The following RBFOX1 variants were observed in gnomAD, a reference collection of about 807,000 sequenced individuals.
The protein encoded by RBFOX1 is RNA binding fox-1 homolog 1.
Under a neutral mutation model 57.7 loss-of-function variants are expected in RBFOX1, and 8 were observed. That is an observed-to-expected ratio of 0.14 (90% CI 0.08 to 0.25). The LOEUF is 0.25. RBFOX1 is among the 10% of genes least tolerant of loss of function. RBFOX1 has a pLI of 1.00. For synonymous variants in RBFOX1, 326 were observed against 222.4 expected, an observed-to-expected ratio of 1.47 and a Z score of -4.15; for missense variants, 611 against 548.5, an observed-to-expected ratio of 1.11 and a Z score of -1.14.
chr16:7,196,448 C>A (rs1377373164), intron 4 of RBFOX1, among the ~76,000 whole-genome samples: 1 of 152,196 alleles, frequency 6.6e-6, no homozygotes, highest in East Asian at 1.9e-4. Flanking sequence ...CCATTGCCAA[C>A]ACTGATAGTG....
At chr16:6,243,644 G>T (rs953927350) in intron 1 of RBFOX1, among the ~76,000 whole-genome samples, 1 of 152,156 alleles carries the variant, frequency 6.6e-6, no homozygotes, top group East Asian at 1.9e-4. Context: ...CCCGTAACCC[G>T]GGCCTGTCTC....
intron 1 of RBFOX1, among the ~76,000 whole-genome samples, chr16:6,148,696 AG>A (rs1391692545): frequency 1.3e-5 from 2 of 152,240 alleles, no homozygotes; most frequent in African/African-American, 4.8e-5. Context: ...AGACCCAGCT[AG>A]AAAAAGCTGG....
At chr16:7,443,458 C>G (rs1035743141) in intron 4 of RBFOX1, among the ~76,000 whole-genome samples, 2 of 151,126 alleles carry the variant, frequency 1.3e-5, no homozygotes, top group Non-Finnish European at 2.9e-5. Context: ...CTCCCCCTCT[C>G]TTATAAGATT....
chr16:6,536,158 C>A (rs1567595126), intron 2 of RBFOX1, among the ~76,000 whole-genome samples: 3 of 152,168 alleles, frequency 2.0e-5, no homozygotes, highest in Non-Finnish European at 4.4e-5. Context: ...AGACCACAAT[C>A]ATCACAAGAC....
intron 4 of RBFOX1, among the ~76,000 whole-genome samples, chr16:7,368,282 G>A (rs889700378): frequency 1.3e-5 from 2 of 150,556 alleles, no homozygotes; most frequent in East Asian, 3.9e-4. Context: ...AAAAAAAAGA[G>A]AGAGAAGAAA....
intron 1 of RBFOX1, among the ~76,000 whole-genome samples, chr16:5,413,052 C>T (rs2067065083): frequency 6.6e-6 from 1 of 152,098 alleles, no homozygotes; most frequent in African/African-American, 2.4e-5. Context: ...AGTGAGGTTG[C>T]CCTAGGGGGT....
intron 4 of RBFOX1, among the ~76,000 whole-genome samples, chr16:7,190,342 G>C (rs1022973182): frequency 2.1e-4 from 32 of 152,138 alleles, no homozygotes; most frequent in African/African-American, 7.5e-4. Flanking sequence ...CTGGGTGACA[G>C]AGACTCCGCC....
Position 7,538,663 on chromosome 16 carries a change from C to T in RBFOX1, c.270+20274C>T, listed in dbSNP as rs1186547722. 1.3e-5 allele frequency among the ~76,000 whole-genome samples: 2 copies of T among 152,110 alleles called. 1 individual carries two copies. Among genetic ancestry groups the T allele is most frequent in the African/African-American group, 4.8e-5 (2 of 41,428 alleles). ...TGTTTGCTTCAGTTATGCATTGCTG[C>T]CTAACAAACTACCCCAAACAAACAT... On this transcript the variant is annotated intron_variant, in intron 5 of 15. Transcript: ENST00000550418.
chr16:6,946,638 A>T (rs542898244), intron 3 of RBFOX1, among the ~76,000 whole-genome samples: 7 of 151,496 alleles, frequency 4.6e-5, no homozygotes, highest in South Asian at 2.1e-4. Context: ...GGTCTGGTTC[A>T]GTCACCCAGG....
chr16:6,001,067 A>G (rs1484769837), intron 4 of RBFOX1, among the ~76,000 whole-genome samples: 1 of 152,146 alleles, frequency 6.6e-6, no homozygotes, highest in East Asian at 1.9e-4. Flanking sequence ...GTTGATGGAC[A>G]GATGGGTAGA....
intron 1 of RBFOX1, among the ~76,000 whole-genome samples, chr16:6,122,802 A>ATGTGTGTGTGTGTGTGTGTGTGTG (rs4038155): frequency 6.8e-6 from 1 of 147,736 alleles, no homozygotes; most frequent in Non-Finnish European, 1.5e-5. Context: ...ATGTGTGTGT[A>ATGTGTGTGTGTGTGTGTGTGTGTG]TGTGTGTGTG....
intron 1 of RBFOX1, among the ~76,000 whole-genome samples, chr16:5,319,739 C>G (rs749464206): frequency 2.6e-5 from 4 of 152,184 alleles, no homozygotes; most frequent in Non-Finnish European, 4.4e-5. Flanking sequence ...GTAACTTCCA[C>G]AATAGAAGTT....
At chr16:5,889,459 T>G (rs1453315348) in intron 4 of RBFOX1, among the ~76,000 whole-genome samples, 1 of 152,226 alleles carries the variant, frequency 6.6e-6, no homozygotes, top group Non-Finnish European at 1.5e-5. Context: ...CTTTATCCGT[T>G]CTATCATTGA....
intron 4 of RBFOX1, among the ~76,000 whole-genome samples, chr16:5,960,442 C>T (rs1015614950): frequency 1.3e-5 from 2 of 152,074 alleles, no homozygotes; most frequent in Non-Finnish European, 2.9e-5. Flanking sequence ...TTTATGTTCC[C>T]CCAAAGTATT....
chr16:7,151,127 G>A (rs528375828), intron 4 of RBFOX1, among the ~76,000 whole-genome samples: 9 of 152,266 alleles, frequency 5.9e-5, no homozygotes, highest in Middle Eastern at 3.4e-3. Context: ...AACCAGCAAT[G>A]TCCTATGTAA....
chr16:7,571,918 C>G (rs1008215970), intron 5 of RBFOX1, among the ~76,000 whole-genome samples: 3 of 152,146 alleles, frequency 2.0e-5, no homozygotes, highest in African/African-American at 7.2e-5. Context: ...CACCTGAGGT[C>G]AGGAGTTTGA....
chr16:7,596,622 C>T (rs763499331), intron 8 of RBFOX1, among the ~76,000 whole-genome samples: 7 of 151,822 alleles, frequency 4.6e-5, no homozygotes, highest in East Asian at 1.9e-4. Flanking sequence ...TTTGACTTGT[C>T]GTATTAAGTT....
At chr16:5,520,411 C>A (rs558267470) in intron 2 of RBFOX1, among the ~76,000 whole-genome samples, 2 of 152,194 alleles carry the variant, frequency 1.3e-5, no homozygotes, top group East Asian at 3.8e-4. Flanking sequence ...AGATGGCTAA[C>A]TCACCCCCTG....
At chr16:6,782,462 C>T (rs555702149) in intron 3 of RBFOX1, among the ~76,000 whole-genome samples, 6 of 152,034 alleles carry the variant, frequency 3.9e-5, no homozygotes, top group East Asian at 1.9e-4. Flanking sequence ...TCCAGAGTTC[C>T]TCTTATTGAT....
Sources: allele counts gnomAD v4.1 joint callset (sites outside exome capture counted in the v4.1 genomes callset), GRCh38; gene constraint gnomAD v4.1.1; transcripts MANE v1.5; gene names NCBI Gene and HGNC (gene_info 2026-07-23, HGNC 2026-07-21).